Variants in ZNRF1 observed in about 807,000 individuals in gnomAD.
ZNRF1 encodes zinc and ring finger 1, also known as E3 ubiquitin-protein ligase ZNRF1.
Under a neutral mutation model 18.4 loss-of-function variants are expected in ZNRF1, and 3 were observed. The observed-to-expected ratio is 0.16, with a 90% CI of 0.07 to 0.42. The LOEUF (loss-of-function observed/expected upper bound fraction) is 0.42. ZNRF1 is among the 10% of genes least tolerant of loss of function. The pLI is 0.99. For synonymous variants in ZNRF1, 157 were observed against 144.2 expected (o/e 1.09, Z -0.64); for missense variants, 310 against 329.8 (o/e 0.94, Z 0.47).
chr16:75,098,922 A>G (rs2036227617), intron 2 of ZNRF1, among the ~76,000 whole-genome samples: 1 of 151,970 alleles, frequency 6.6e-6, no homozygotes, highest in Non-Finnish European at 1.5e-5. Flanking sequence ...TGTTGCCAGA[A>G]CTCTGCAGAA....
intron 1 of ZNRF1, among the ~76,000 whole-genome samples, chr16:75,024,524 T>C (rs1490481205): frequency 6.6e-6 from 1 of 152,212 alleles, no homozygotes; most frequent in Non-Finnish European, 1.5e-5. Context: ...CTGGTGATTT[T>C]TGTAGAGTTG....
intron 1 of ZNRF1, among the ~76,000 whole-genome samples, chr16:75,037,361 T>G (rs554775316): frequency 2.0e-4 from 30 of 152,126 alleles, no homozygotes; most frequent in Admixed American, 7.9e-4. Flanking sequence ...TTTTGTTTTG[T>G]TTTTGGAGAC....
At chr16:75,052,097 C>G (rs1042297349) in intron 1 of ZNRF1, among the ~76,000 whole-genome samples, 1 of 152,026 alleles carries the variant, frequency 6.6e-6, no homozygotes, top group African/African-American at 2.4e-5. Flanking sequence ...AACCCAAAAC[C>G]CTATCAAGAT....
intron 2 of ZNRF1, among the ~76,000 whole-genome samples, chr16:75,097,655 T>C (rs560299041): frequency 6.6e-6 from 1 of 152,132 alleles, no homozygotes; most frequent in Non-Finnish European, 1.5e-5. Flanking sequence ...CCCCATTTAC[T>C]AAAAACAAAA....
rs1016905970 is a variant in ZNRF1 at position 75,096,294 on chromosome 16, T to G, written c.520+2627T>G. ...TGGTATGGACTCCTCATGTTCAGTC[T>G]TTGTCTTTTCTGAAGACCCTAAACC... On this transcript the variant is annotated intron_variant, in intron 2 of 4. Coordinates refer to ENST00000335325, the MANE Select transcript of ZNRF1 (RefSeq NM_032268.5). Among the ~76,000 whole-genome samples, 7 of 152,242 alleles carry G rather than the reference T, an allele frequency of 4.6e-5. No homozygotes were observed. In the East Asian group the frequency reaches 1.2e-3, roughly 25 times the overall value.
intron 1 of ZNRF1, among the ~76,000 whole-genome samples, chr16:75,074,477 G>A (rs994258223): frequency 4.6e-5 from 7 of 152,170 alleles, no homozygotes; most frequent in African/African-American, 1.7e-4. Context: ...GATTTATTTC[G>A]TGTCTGGAAT....
chr16:75,091,603 G>T (rs1389041198), intron 1 of ZNRF1, among the ~76,000 whole-genome samples: 2 of 150,578 alleles, frequency 1.3e-5, no homozygotes, highest in Non-Finnish European at 2.9e-5. Context: ...CACAAACATG[G>T]CTCACTGCAG....
intron 2 of ZNRF1, among the ~76,000 whole-genome samples, chr16:75,100,856 A>G (rs1478931868): frequency 6.6e-6 from 1 of 152,208 alleles, no homozygotes; most frequent in Non-Finnish European, 1.5e-5. Flanking sequence ...TGCCCTCACT[A>G]AGCTATGCTG....
intron 1 of ZNRF1, among the ~76,000 whole-genome samples, chr16:75,030,477 A>G (rs2035287667): frequency 1.3e-5 from 2 of 152,198 alleles, no homozygotes; most frequent in African/African-American, 2.4e-5. Context: ...GAAAAAAACT[A>G]TAAAACTCTT....
chr16:75,001,275 C>T (rs1477326638), intron 1 of ZNRF1, among the ~76,000 whole-genome samples: 1 of 152,098 alleles, frequency 6.6e-6, no homozygotes, highest in Non-Finnish European at 1.5e-5. Context: ...ATCTCTTTCC[C>T]CCCCCCTGCA....
intron 1 of ZNRF1, among the ~76,000 whole-genome samples, chr16:75,081,855 C>T (rs1226919959): frequency 6.6e-6 from 1 of 152,186 alleles, no homozygotes; most frequent in Non-Finnish European, 1.5e-5. Context: ...TAAGACATCT[C>T]CAAAATACAA....
At chr16:75,038,407 A>G (rs1333078934) in intron 1 of ZNRF1, among the ~76,000 whole-genome samples, 1 of 152,202 alleles carries the variant, frequency 6.6e-6, no homozygotes, top group Non-Finnish European at 1.5e-5. Flanking sequence ...CTAAATTCCA[A>G]AAGTGAGCAT....
intron 1 of ZNRF1, among the ~76,000 whole-genome samples, chr16:75,084,169 C>A (rs1197943097): frequency 1.3e-5 from 2 of 152,206 alleles, no homozygotes; most frequent in Admixed American, 6.5e-5. Flanking sequence ...TTCTTCCGTT[C>A]ACATTTCATT....
At chr16:75,073,770 A>G (rs2035903887) in intron 1 of ZNRF1, among the ~76,000 whole-genome samples, 1 of 151,946 alleles carries the variant, frequency 6.6e-6, no homozygotes. Flanking sequence ...CTGCTACCCG[A>G]CATGGTTCTG....
intron 1 of ZNRF1, among the ~76,000 whole-genome samples, chr16:75,035,417 C>G (rs905716642): frequency 6.6e-6 from 1 of 152,206 alleles, no homozygotes; most frequent in Admixed American, 6.5e-5. Flanking sequence ...CTGCAGTGAT[C>G]ATGCAATGGT....
At chr16:75,045,717 T>C (rs1398257372) in intron 1 of ZNRF1, among the ~76,000 whole-genome samples, 1 of 131,078 alleles carries the variant, frequency 7.6e-6, no homozygotes, top group Non-Finnish European at 1.6e-5. Flanking sequence ...CTTCTTCGTC[T>C]TTTTTTTTTT....
Position 75,085,825 on chromosome 16 carries a change from T to A in ZNRF1, c.425-7747T>A, listed in dbSNP as rs376723560. Among the ~76,000 whole-genome samples the A allele has an allele frequency of 6.8e-4, 40 of 58,544 alleles. 2 individuals carry two copies. The highest frequency in any genetic ancestry group is 3.2e-3 in the East Asian group (5 of 1,574). The allele number at this position is 58,544 out of a possible 152,430, so 38.4% of individuals were successfully genotyped here. On this transcript the variant is annotated intron_variant, in intron 1 of 4. Coordinates refer to ENST00000335325, the MANE Select transcript of ZNRF1 (RefSeq NM_032268.5). Reference sequence around the variant, plus strand: ...GAGAGAGAGAGAGAGAGAGTGAGTGTGTGTGTGTGTGTGTGTGTAGAGATT... The same window carrying A: ...GAGAGAGAGAGAGAGAGAGTGAGTGAGTGTGTGTGTGTGTGTGTAGAGATT...
At chr16:75,020,277 C>G (rs116901556) in intron 1 of ZNRF1, among the ~76,000 whole-genome samples, 2,765 of 151,812 alleles carry the variant, frequency 0.018, 52 homozygotes, top group Non-Finnish European at 0.031. Context: ...TTTTCTTTTT[C>G]TCTATGTCCT....
Position 75,041,493 on chromosome 16 carries a change from C to T in ZNRF1, c.424+41398C>T, listed in dbSNP as rs2035446534. Among the ~76,000 whole-genome samples the T allele has an allele frequency of 2.6e-5, 4 of 151,872 alleles. No individual in the cohort carries two copies. The South Asian group carries it at 8.3e-4, about 32-fold the overall frequency. On this transcript the variant is annotated intron_variant, in intron 1 of 4. Transcript: ENST00000335325. ...TACGTGTGCATGCCGCCATATCCGG[C>T]TAATTTTTGTATTTTTTGTTACAGA... is the stretch of plus-strand genomic sequence containing the variant.
Sources: allele counts gnomAD v4.1 joint callset (sites outside exome capture counted in the v4.1 genomes callset), GRCh38; gene constraint gnomAD v4.1.1; transcripts MANE v1.5; gene names NCBI Gene and HGNC (gene_info 2026-07-23, HGNC 2026-07-21).